The following RNF128 variants were observed in gnomAD, a reference collection of about 807,000 sequenced individuals.
The protein encoded by RNF128 is ring finger protein 128, also known as E3 ubiquitin-protein ligase RNF128.
Under a neutral mutation model 26.2 loss-of-function variants are expected in RNF128, and 13 were observed. The observed-to-expected ratio is 0.50, with a 90% CI of 0.32 to 0.79. RNF128 has a LOEUF of 0.79. Among genes scored for constraint, RNF128 ranks in the 30% least tolerant of loss-of-function variants. The pLI, the probability that RNF128 is intolerant of heterozygous loss-of-function variation, is 0.03. For synonymous variants in RNF128, 149 were observed against 142.5 expected (o/e 1.05, Z -0.32); for missense variants, 315 against 349.7 (o/e 0.90, Z 0.79).
At chrX:106,785,450 A>C (rs886936158) in intron 3 of RNF128, among the ~76,000 whole-genome samples, 21 of 111,524 alleles carry the variant, frequency 1.9e-4, no homozygotes, top group African/African-American at 6.8e-4. Flanking sequence ...GTGTCCTTAT[A>C]AGAGGGAGAG....
In RNF128 at chrX:106,727,091, C is replaced by T. The variant is rs765968288; in HGVS notation, c.178C>T (p.Arg60Cys). The T allele has an allele frequency of 6.7e-5, 81 of 1,204,249 alleles. No individual in the cohort carries two copies. Among genetic ancestry groups the T allele is most frequent in the Non-Finnish European group, 9.1e-5 (81 of 892,478 alleles). ...SWRVPHTGVN[R>C]TVWELSEEGV... ...GCGGGTTCCGCACACGGGAGTGAAC[C>T]GTACGGTGTGGGAGCTGAGCGAGGA... The change falls in exon 1 of 7, where the codon CGT becomes TGT. Residue 60 changes from arginine (R) to cysteine (C), a missense_variant. By Grantham distance (180) the Arg-to-Cys change is radical. Coordinates refer to ENST00000255499, the MANE Select transcript of RNF128 (RefSeq NM_194463.2).
rs1319894480 is a variant in RNF128 at position 106,702,022 on chromosome X, C to CT, written c.406+7624dup. Among the ~76,000 whole-genome samples, 510 of 105,335 alleles carry CT rather than the reference C, an allele frequency of 4.8e-3. 3 individuals carry two copies. Among genetic ancestry groups the CT allele is most frequent in the African/African-American group, 0.016 (475 of 29,137 alleles). The allele number at this position is 105,335 out of a possible 115,157, so 91.5% of individuals were successfully genotyped here. On this transcript the variant is annotated intron_variant, in intron 1 of 6. Coordinates refer to the RNF128 transcript ENST00000324342. ...TCATGAATCTCTGAAACATCATAAG[C>CT]TTTTTTTTTTACCTGACTTACAATA... is the stretch of plus-strand genomic sequence containing the variant.
chrX:106,716,699 G>C (rs1929222452), intron 1 of RNF128, among the ~76,000 whole-genome samples: 4 of 110,866 alleles, frequency 3.6e-5, no homozygotes, highest in African/African-American at 1.3e-4. Flanking sequence ...TTCAAGTGAT[G>C]TGCCAGAGCA....
In RNF128 at chrX:106,773,151, C is replaced by T. The variant is rs1265101397; in HGVS notation, c.723C>T (p.Ser241=). The T allele has an allele frequency of 1.7e-6, 2 of 1,208,423 alleles. No individual in the cohort carries two copies. The highest frequency in any genetic ancestry group is 2.2e-6 in the Non-Finnish European group (2 of 894,300). Residue 241 remains serine, a synonymous_variant, in exon 2 of 7, where the codon AGC becomes AGT. Transcript: ENST00000255499. ...ARRLRNARAQ[S]RKQRQLKADA... The stretch of plus-strand genomic sequence containing the variant: ...GGCTACGGAATGCAAGAGCTCAAAG[C>T]AGGAAGCAGGTTTGTAATGGTCCTT...
At chrX:106,766,662 G>C (rs1254840379) in intron 1 of RNF128, among the ~76,000 whole-genome samples, 1 of 111,803 alleles carries the variant, frequency 8.9e-6, no homozygotes. Context: ...CATTCTGTAG[G>C]TTGCCTGTTC....
At chrX:106,794,805 C>T (rs929472673) in intron 6 of RNF128, among the ~76,000 whole-genome samples, 5 of 110,946 alleles carry the variant, frequency 4.5e-5, no homozygotes, top group African/African-American at 1.6e-4. Flanking sequence ...CAATCCCACA[C>T]TACAGGGTTC....
chrX:106,717,715 A>C (rs1222405788), intron 1 of RNF128, among the ~76,000 whole-genome samples: 1 of 112,218 alleles, frequency 8.9e-6, no homozygotes, highest in Non-Finnish European at 1.9e-5. Context: ...TTACAATTTT[A>C]TGTTAGAAAT....
intron 1 of RNF128, among the ~76,000 whole-genome samples, chrX:106,771,251 C>T (rs924364152): frequency 3.6e-5 from 4 of 112,500 alleles, no homozygotes; most frequent in Non-Finnish European, 3.8e-5. Context: ...TCTCAAACTC[C>T]GTGCTGGGAG....
At chrX:106,747,590 T>C (rs977426801) in intron 1 of RNF128, among the ~76,000 whole-genome samples, 23 of 111,393 alleles carry the variant, frequency 2.1e-4, no homozygotes, top group Middle Eastern at 9.2e-3. Context: ...TTGAGTTACT[T>C]TGGCTACATT....
chrX:106,781,544 A>G (rs911974561), intron 2 of RNF128, among the ~76,000 whole-genome samples: 3 of 111,257 alleles, frequency 2.7e-5, no homozygotes, highest in Non-Finnish European at 5.7e-5. Context: ...TGTCACAGTG[A>G]AATATCTTGA....
At chrX:106,711,150 G>A (rs1202959436) in intron 1 of RNF128, among the ~76,000 whole-genome samples, 3 of 112,114 alleles carry the variant, frequency 2.7e-5, no homozygotes, top group African/African-American at 9.7e-5. Flanking sequence ...AGGAAGATGT[G>A]CTTATTTATA....
intron 1 of RNF128, among the ~76,000 whole-genome samples, chrX:106,769,472 CCTT>C (rs1178787991): frequency 9.1e-6 from 1 of 109,939 alleles, no homozygotes; most frequent in Non-Finnish European, 1.9e-5. Context: ...TATGTAATGA[CCTT>C]CTTTGTCTCT....
At chrX:106,767,546 A>T (rs927204888) in intron 1 of RNF128, among the ~76,000 whole-genome samples, 2 of 111,476 alleles carry the variant, frequency 1.8e-5, no homozygotes, top group African/African-American at 6.5e-5. Context: ...AATGCTTGTG[A>T]TTTTTGCACA....
chrX:106,740,981 G>A (rs144095630), intron 1 of RNF128, among the ~76,000 whole-genome samples: 1,905 of 111,103 alleles, frequency 0.017, 31 homozygotes, highest in African/African-American at 0.059. Context: ...GATTGAAAAT[G>A]TTGATGGTAT....
chrX:106,761,312 G>A (rs376435759), intron 1 of RNF128, among the ~76,000 whole-genome samples: 42 of 111,778 alleles, frequency 3.8e-4, no homozygotes, highest in Non-Finnish European at 6.6e-4. Flanking sequence ...AAAAGGGAGC[G>A]CTTATACACT....
intron 1 of RNF128, among the ~76,000 whole-genome samples, chrX:106,703,135 C>G (rs968843404): frequency 6.3e-5 from 7 of 111,518 alleles, no homozygotes; most frequent in Non-Finnish European, 9.4e-5. Flanking sequence ...TTGACATCTC[C>G]CCCGTGGAAA....
intron 1 of RNF128, among the ~76,000 whole-genome samples, chrX:106,697,741 A>T (rs1406784034): frequency 9.0e-6 from 1 of 110,819 alleles, no homozygotes; most frequent in Non-Finnish European, 1.9e-5. Flanking sequence ...TCTGAAGGGG[A>T]TAATTTCAGT....
intron 1 of RNF128, among the ~76,000 whole-genome samples, chrX:106,740,735 A>G (rs1929689046): frequency 9.0e-6 from 1 of 111,165 alleles, no homozygotes; most frequent in African/African-American, 3.3e-5. Context: ...ACACCTGGCT[A>G]GAACCAAAAA....
chrX:106,742,759 T>A (rs1929724177), intron 1 of RNF128, among the ~76,000 whole-genome samples: 1 of 111,470 alleles, frequency 9.0e-6, no homozygotes, highest in African/African-American at 3.3e-5. Context: ...CAAACTGTAT[T>A]AATTGTATTC....
Sources: gnomAD v4.1 joint callset for allele counts (sites outside exome capture counted in the v4.1 genomes callset) on GRCh38, gnomAD v4.1.1 for gene constraint, MANE v1.5 for transcripts, NCBI Gene and HGNC (gene_info 2026-07-23, HGNC 2026-07-21) for gene names.